Variants in EPB41L2 observed in about 807,000 individuals in gnomAD.
The protein encoded by EPB41L2 is erythrocyte membrane protein band 4.1 like 2, also known as band 4.1-like protein 2.
Under a neutral mutation model 113.0 loss-of-function variants are expected in EPB41L2, and 43 were observed. The ratio of observed to expected loss-of-function variants is 0.38; its 90% CI spans 0.30 to 0.49. The LOEUF (loss-of-function observed/expected upper bound fraction) is 0.49. Among genes scored for constraint, EPB41L2 ranks in the 20% least tolerant of loss-of-function variants. The pLI is 0.95. For synonymous variants in EPB41L2, 442 were observed against 436.7 expected (o/e 1.01, Z -0.15); for missense variants, 1,147 against 1,223.4 (o/e 0.94, Z 0.93).
At chr6:130,922,821 C>CCATATGAATAT (rs1477528706) in intron 4 of EPB41L2, among the ~76,000 whole-genome samples, 1 of 152,104 alleles carries the variant, frequency 6.6e-6, no homozygotes, top group African/African-American at 2.4e-5. Context: ...TTACAAGCCT[C>CCATATGAATAT]CATATGAATA....
At chr6:130,906,271 A>G (rs72983704) in intron 5 of EPB41L2, among the ~76,000 whole-genome samples, 194 of 152,320 alleles carry the variant, frequency 1.3e-3, no homozygotes, top group South Asian at 6.2e-4. Flanking sequence ...ATTTTCTAAT[A>G]TACTTCCAAA....
chr6:130,887,455 C>T (rs952353028), intron 11 of EPB41L2, among the ~76,000 whole-genome samples: 1 of 152,204 alleles, frequency 6.6e-6, no homozygotes, highest in Non-Finnish European at 1.5e-5. Flanking sequence ...CATAAACCCA[C>T]ATAAACCCTT....
chr6:130,958,312 C>T (rs551853206), intron 1 of EPB41L2, among the ~76,000 whole-genome samples: 4 of 152,018 alleles, frequency 2.6e-5, no homozygotes, highest in African/African-American at 4.8e-5. Context: ...CTTAGCTGAG[C>T]GTGGTGGCAC....
At chr6:130,911,076 G>GT (rs1446504117) in intron 4 of EPB41L2, among the ~76,000 whole-genome samples, 1 of 152,152 alleles carries the variant, frequency 6.6e-6, no homozygotes, top group Non-Finnish European at 1.5e-5. Context: ...ACATGCACAC[G>GT]TATGTTTATT....
chr6:131,002,541 C>T (rs577875101), intron 1 of EPB41L2, among the ~76,000 whole-genome samples: 113 of 152,234 alleles, frequency 7.4e-4, no homozygotes, highest in African/African-American at 2.6e-3. Context: ...GCTACGAATT[C>T]CTACAGGAAT....
intron 14 of EPB41L2, 169 bp from the exon 15 acceptor site, chr6:130,870,295 G>A: frequency 1.3e-6 from 2 of 1,550,234 alleles, no homozygotes; most frequent in Non-Finnish European, 8.7e-7. Flanking sequence ...AGAAACGTGA[G>A]GCAATGGTGT....
intron 12 of EPB41L2, chr6:130,880,662 C>T (rs996546049): frequency 9.3e-6 from 4 of 428,596 alleles, no homozygotes; most frequent in Non-Finnish European, 1.6e-5. Flanking sequence ...TCTTCACCTA[C>T]AGTGTTGTAC....
chr6:131,049,280 G>A (rs573236478), intron 1 of EPB41L2, among the ~76,000 whole-genome samples: 2 of 152,304 alleles, frequency 1.3e-5, no homozygotes, highest in African/African-American at 4.8e-5. Context: ...AGGCTTTACT[G>A]ATGTTGATTT....
intron 6 of EPB41L2, among the ~76,000 whole-genome samples, chr6:130,901,563 G>A (rs772576985): frequency 3.3e-5 from 5 of 151,586 alleles, no homozygotes; most frequent in South Asian, 2.1e-4. Flanking sequence ...TTAATCATTT[G>A]TAAGAAAAGC....
In EPB41L2 at chr6:130,921,951, A is replaced by G. The variant is rs772763380; in HGVS notation, c.810+4654T>C. 9.2e-5 allele frequency among the ~76,000 whole-genome samples: 14 copies of G among 152,260 alleles called. No individual in the cohort carries two copies. The South Asian group carries it at 1.7e-3, about 18-fold the overall frequency. ...CATATCCCTGCTGGAAGCACAGCCC[A>G]TAACATCCTTCAACATCCTATATGT... On this transcript the variant is annotated intron_variant, in intron 4 of 19. Transcript: ENST00000337057.
chr6:131,050,884 G>A (rs906626138), intron 1 of EPB41L2, among the ~76,000 whole-genome samples: 6 of 152,104 alleles, frequency 3.9e-5, no homozygotes, highest in Admixed American at 6.6e-5. Context: ...ATGAGCCATC[G>A]TGCCTGGTCC....
intron 18 of EPB41L2, among the ~76,000 whole-genome samples, chr6:130,859,385 G>A (rs375853002): frequency 1.6e-4 from 24 of 152,156 alleles, no homozygotes; most frequent in African/African-American, 5.5e-4. Flanking sequence ...GCTGGCGCAC[G>A]CCTGTAATCC....
chr6:130,977,750 T>C (rs1201987052), intron 1 of EPB41L2, among the ~76,000 whole-genome samples: 2 of 152,244 alleles, frequency 1.3e-5, no homozygotes, highest in African/African-American at 2.4e-5. Context: ...TGCTCCCATG[T>C]TGCCAGTTAG....
intron 1 of EPB41L2, among the ~76,000 whole-genome samples, chr6:130,979,681 G>T (rs1778948259): frequency 6.6e-6 from 1 of 152,124 alleles, no homozygotes; most frequent in South Asian, 2.1e-4. Flanking sequence ...AAGTTCCTGT[G>T]AGTCAAAGGT....
rs765521376 is a variant in EPB41L2, at chr6:130,895,002, G to A, written c.1354C>T (p.Arg452Cys). 75 of 1,613,778 alleles carry A rather than the reference G, an allele frequency of 4.6e-5. No individual in the cohort carries two copies. Among genetic ancestry groups the A allele is most frequent in the Non-Finnish European group, 6.1e-5 (72 of 1,179,862 alleles). ...WPKILKISYK[R>C]SNFYIKVRPA... ...CTGACTTTAATGTAGAAGTTACTGC[G>A]TTTATAGGAAATTTTTAAGATTTTC... The change falls in exon 9 of 20, where the codon CGC becomes TGC. Residue 452 changes from arginine to cysteine, a missense_variant. Physicochemically the swap from Arg to Cys is radical, Grantham distance 180. Coordinates refer to ENST00000337057, the MANE Select transcript of EPB41L2 (RefSeq NM_001431.4).
chr6:131,018,794 CT>C (rs1292637347), intron 1 of EPB41L2, among the ~76,000 whole-genome samples: 1 of 152,010 alleles, frequency 6.6e-6, no homozygotes, highest in Non-Finnish European at 1.5e-5. Flanking sequence ...AATAGTTTAC[CT>C]TTCCCTACTG....
chr6:130,976,277 T>C (rs1284253956), intron 1 of EPB41L2, among the ~76,000 whole-genome samples: 1 of 152,180 alleles, frequency 6.6e-6, no homozygotes, highest in Non-Finnish European at 1.5e-5. Context: ...AACTAATTTT[T>C]TTCACTAGCA....
intron 5 of EPB41L2, among the ~76,000 whole-genome samples, chr6:130,907,080 A>C (rs569875997): frequency 4.5e-4 from 68 of 151,414 alleles, no homozygotes; most frequent in African/African-American, 1.4e-3. Context: ...GAGTGGCACA[A>C]AAAAAAAATA....
Position 131,021,632 on chromosome 6 carries a change from GC to G in EPB41L2, c.-15+41522del, listed in dbSNP as rs1405686554. On this transcript the variant is annotated intron_variant, in intron 1 of 19. Coordinates refer to ENST00000337057, the MANE Select transcript of EPB41L2 (RefSeq NM_001431.4). ...GCCAAGATCGCACCATTGCACTCCT[GC>G]CTGGGCAACAAGAGTGAGATTCCGT... 1.4e-4 allele frequency among the ~76,000 whole-genome samples: 21 copies of G among 151,976 alleles called. No individual in the cohort carries two copies. In the South Asian group the frequency reaches 2.1e-3, roughly 15 times the overall value.
Sources: gnomAD v4.1 joint callset for allele counts (sites outside exome capture counted in the v4.1 genomes callset) on GRCh38, gnomAD v4.1.1 for gene constraint, MANE v1.5 for transcripts, NCBI Gene and HGNC (gene_info 2026-07-23, HGNC 2026-07-21) for gene names.